PARD3: variants seen among roughly 807,000 people sequenced by gnomAD.
PARD3 encodes the protein par-3 family cell polarity regulator.
In PARD3, 75 loss-of-function variants were observed where a neutral mutation model predicts 155.4. The observed-to-expected ratio is 0.48, with a 90% CI of 0.40 to 0.58. The LOEUF is 0.58. Ranked by LOEUF, PARD3 falls within the 20% of genes least tolerant of loss-of-function variation. The pLI, the probability that PARD3 is intolerant of heterozygous loss-of-function variation, is 0.00. For synonymous variants in PARD3, 576 were observed against 610.5 expected (o/e 0.94, Z 0.83); for missense variants, 1,642 against 1,721.7 (o/e 0.95, Z 0.82).
intron 2 of PARD3, among the ~76,000 whole-genome samples, chr10:34,549,881 C>T (rs2084400883): frequency 6.6e-6 from 1 of 151,966 alleles, no homozygotes; most frequent in Non-Finnish European, 1.5e-5. Context: ...CTGATGACAG[C>T]ACAAGCATCT....
intron 1 of PARD3, among the ~76,000 whole-genome samples, chr10:34,766,617 C>CAAAAAAAAAAA: frequency 1.2e-5 from 1 of 81,788 alleles, no homozygotes; most frequent in Non-Finnish European, 2.4e-5. Context: ...ACTTAATTGA[C>CAAAAAAAAAAA]AAAAAAAAAA....
chr10:34,602,744 CGAGCCTTCTGGATACAGAAA>C (rs1291435629), intron 2 of PARD3, among the ~76,000 whole-genome samples: 1 of 152,128 alleles, frequency 6.6e-6, no homozygotes, highest in Non-Finnish European at 1.5e-5. Context: ...AGGCCACAGG[CGAGCCTTCTGGATACAGAAA>C]GTGTTCTGTA....
intron 5 of PARD3, among the ~76,000 whole-genome samples, chr10:34,444,966 A>G (rs2132703254): frequency 6.6e-6 from 1 of 152,310 alleles, no homozygotes; most frequent in African/African-American, 2.4e-5. Flanking sequence ...GGCACATAAA[A>G]TCTAGAACTC....
chr10:34,526,859 C>T (rs560453989), intron 2 of PARD3, among the ~76,000 whole-genome samples: 1 of 152,316 alleles, frequency 6.6e-6, no homozygotes, highest in South Asian at 2.1e-4. Flanking sequence ...TCCGTCTCTA[C>T]CATCAAGTAA....
At chr10:34,416,732 A>G (rs1845713697) in intron 5 of PARD3, among the ~76,000 whole-genome samples, 1 of 152,240 alleles carries the variant, frequency 6.6e-6, no homozygotes, top group African/African-American at 2.4e-5. Context: ...AAGTGAGACT[A>G]TGAACAAATA....
At chr10:34,798,561 C>A (rs1452429896) in intron 1 of PARD3, among the ~76,000 whole-genome samples, 1 of 151,704 alleles carries the variant, frequency 6.6e-6, no homozygotes, top group Non-Finnish European at 1.5e-5. Flanking sequence ...AAAAATTAGC[C>A]AGATGTGGTG....
At chr10:34,617,019 G>A (rs73267397) in intron 2 of PARD3, among the ~76,000 whole-genome samples, 7,152 of 151,826 alleles carry the variant, frequency 0.047, 527 homozygotes, top group African/African-American at 0.16. Context: ...ACTTTAGGAG[G>A]CCAAGGCGGG....
chr10:34,179,861 C>T (rs1025492705), intron 22 of PARD3, among the ~76,000 whole-genome samples: 3 of 151,986 alleles, frequency 2.0e-5, no homozygotes, highest in African/African-American at 7.3e-5. Flanking sequence ...GGAGAAAGGG[C>T]ACATGTGCAG....
chr10:34,473,217 T>C (rs2078472650), intron 3 of PARD3, among the ~76,000 whole-genome samples: 1 of 152,238 alleles, frequency 6.6e-6, no homozygotes, highest in African/African-American at 2.4e-5. Context: ...ATTTCAGCAA[T>C]ATTTATAAAA....
intron 2 of PARD3, among the ~76,000 whole-genome samples, chr10:34,689,290 A>T (rs1271567649): frequency 6.6e-6 from 1 of 152,226 alleles, no homozygotes; most frequent in Non-Finnish European, 1.5e-5. Context: ...GACCGACTGC[A>T]TCACACGATC....
chr10:34,513,598 C>T (rs1721686987), intron 3 of PARD3, among the ~76,000 whole-genome samples: 1 of 151,826 alleles, frequency 6.6e-6, no homozygotes, highest in African/African-American at 2.4e-5. Context: ...TCTTACTTAA[C>T]TTTCTCATTT....
At chr10:34,691,214 C>T (rs1171313842) in intron 2 of PARD3, among the ~76,000 whole-genome samples, 1 of 152,176 alleles carries the variant, frequency 6.6e-6, no homozygotes, top group Non-Finnish European at 1.5e-5. Flanking sequence ...TGCCCAAAAG[C>T]TCCTTGATCT....
chr10:34,475,963 T>C (rs529285263), intron 3 of PARD3, among the ~76,000 whole-genome samples: 1 of 151,974 alleles, frequency 6.6e-6, no homozygotes, highest in African/African-American at 2.4e-5. Context: ...ACCATGTAAA[T>C]CAAGCCTTCG....
At chr10:34,684,810 CACACACACACACACACACACAT>C (rs1564504548) in intron 2 of PARD3, among the ~76,000 whole-genome samples, 5 of 124,276 alleles carry the variant, frequency 4.0e-5, no homozygotes, top group African/African-American at 1.2e-4. Flanking sequence ...CACACACACA[CACACACACACACACACACACAT>C]ATATACACAC....
chr10:34,249,271 C>A (rs1052272018), intron 22 of PARD3, among the ~76,000 whole-genome samples: 1 of 152,158 alleles, frequency 6.6e-6, no homozygotes, highest in African/African-American at 2.4e-5. Context: ...CTCAGCCTCC[C>A]AAAGTGCTGG....
chr10:34,806,197 ATT>A (rs34269930), intron 1 of PARD3, among the ~76,000 whole-genome samples: 10 of 130,310 alleles, frequency 7.7e-5, no homozygotes, highest in African/African-American at 1.4e-4. Flanking sequence ...TGTCTGGCTA[ATT>A]TTTTTTTTTT....
At chr10:34,652,279 C>A (rs2093036288) in intron 2 of PARD3, among the ~76,000 whole-genome samples, 1 of 152,188 alleles carries the variant, frequency 6.6e-6, no homozygotes, top group South Asian at 2.1e-4. Context: ...TTTGCTGGTC[C>A]ACTACCAGTC....
At chr10:34,159,893 G>A (rs1949192330) in intron 22 of PARD3, among the ~76,000 whole-genome samples, 1 of 152,182 alleles carries the variant, frequency 6.6e-6, no homozygotes, top group South Asian at 2.1e-4. Flanking sequence ...TTTCATCCCT[G>A]CATGAATCTG....
At chr10:34,237,851 G>T (rs1240120023) in intron 22 of PARD3, among the ~76,000 whole-genome samples, 3 of 152,078 alleles carry the variant, frequency 2.0e-5, no homozygotes, top group Non-Finnish European at 2.9e-5. Context: ...TCCTGGCTTG[G>T]CTTCACACTG....
Sources: gnomAD v4.1 joint callset for allele counts (sites outside exome capture counted in the v4.1 genomes callset) on GRCh38, gnomAD v4.1.1 for gene constraint, MANE v1.5 for transcripts, NCBI Gene and HGNC (gene_info 2026-07-23, HGNC 2026-07-21) for gene names.